The following SLC14A2 variants were observed in gnomAD, a reference collection of about 807,000 sequenced individuals.
The protein encoded by SLC14A2 is solute carrier family 14 member 2, also known as urea transporter 2.
SLC14A2 carries 91 observed loss-of-function variants against 104.6 expected under a neutral mutation model. The ratio of observed to expected loss-of-function variants is 0.87; its 90% CI spans 0.73 to 1.04. The LOEUF is 1.04. Ranked by LOEUF, SLC14A2 falls within the 50% of genes least tolerant of loss-of-function variation. The pLI is 0.00. For missense variants in SLC14A2, 1,189 were observed against 1,156.0 expected (o/e 1.03, Z -0.41); for synonymous variants, 476 against 466.4 (o/e 1.02, Z -0.27).
At chr18:45,682,230 T>G in intron 19 of SLC14A2, 89 bp from the exon 20 acceptor site, 2 of 1,129,684 alleles carry the variant, frequency 1.8e-6, no homozygotes, top group Non-Finnish European at 2.7e-6. Context: ...GTCCCTCATG[T>G]CCCCAGGGCT....
intron 1 of SLC14A2, among the ~76,000 whole-genome samples, chr18:45,217,575 C>G (rs547164752): frequency 6.6e-6 from 1 of 152,198 alleles, no homozygotes; most frequent in African/African-American, 2.4e-5. Flanking sequence ...CTTCCTCCCC[C>G]ACATCCCTAG....
At chr18:45,317,768 G>C (rs1404751429) in intron 1 of SLC14A2, among the ~76,000 whole-genome samples, 1 of 152,162 alleles carries the variant, frequency 6.6e-6, no homozygotes, top group East Asian at 1.9e-4. Context: ...AATGCCCTGG[G>C]CTTGACAGAT....
chr18:45,294,031 C>T (rs1407866208), intron 1 of SLC14A2, among the ~76,000 whole-genome samples: 1 of 152,110 alleles, frequency 6.6e-6, no homozygotes, highest in Admixed American at 6.6e-5. Flanking sequence ...TTCACGGTAT[C>T]CATCACTTTT....
chr18:45,430,551 TTTATTTTATTTTATTTTA>T (rs2086498467), intron 1 of SLC14A2, among the ~76,000 whole-genome samples: 1 of 90,720 alleles, frequency 1.1e-5, no homozygotes, highest in Non-Finnish European at 2.7e-5. Context: ...GTTATTTTAT[TTTATTTTATTTTATTTTA>T]TTATTTTATT....
intron 2 of SLC14A2, among the ~76,000 whole-genome samples, chr18:45,589,347 A>T (rs1343766205): frequency 1.3e-5 from 2 of 152,186 alleles, no homozygotes; most frequent in African/African-American, 4.8e-5. Context: ...GGTACCCCAA[A>T]TGAATATACG....
intron 2 of SLC14A2, among the ~76,000 whole-genome samples, chr18:45,533,251 T>C (rs1367720570): frequency 2.6e-5 from 4 of 152,234 alleles, no homozygotes; most frequent in African/African-American, 9.6e-5. Flanking sequence ...TTCTATTGAT[T>C]GGAGTAGTTT....
chr18:45,260,646 C>A (rs2084526118), intron 1 of SLC14A2, among the ~76,000 whole-genome samples: 1 of 152,098 alleles, frequency 6.6e-6, no homozygotes, highest in Non-Finnish European at 1.5e-5. Context: ...ATAATGAAAT[C>A]ATGTCCTTTG....
intron 1 of SLC14A2, among the ~76,000 whole-genome samples, chr18:45,219,765 T>G (rs62092120): frequency 0.12 from 18,540 of 152,154 alleles, 1,176 homozygotes; most frequent in African/African-American, 0.14. Context: ...CAAGCACCAG[T>G]GTTATTGAGG....
chr18:45,265,495 A>C (rs571854591), intron 1 of SLC14A2, among the ~76,000 whole-genome samples: 1 of 152,268 alleles, frequency 6.6e-6, no homozygotes, highest in African/African-American at 2.4e-5. Flanking sequence ...ATCCCTTCAT[A>C]ACCAGATATT....
intron 1 of SLC14A2, among the ~76,000 whole-genome samples, chr18:45,228,427 C>T (rs1236096863): frequency 1.3e-5 from 2 of 152,092 alleles, no homozygotes; most frequent in East Asian, 1.9e-4. Context: ...GGTGAGCCCA[C>T]TGCCACCATG....
intron 1 of SLC14A2, among the ~76,000 whole-genome samples, chr18:45,332,483 G>T (rs1252440838): frequency 1.3e-5 from 2 of 152,060 alleles, no homozygotes; most frequent in Admixed American, 1.3e-4. Flanking sequence ...GTATCCGTGG[G>T]AGGTCTTGCC....
intron 1 of SLC14A2, among the ~76,000 whole-genome samples, chr18:45,257,582 A>C (rs896820538): frequency 2.6e-5 from 4 of 152,222 alleles, no homozygotes; most frequent in Admixed American, 2.6e-4. Context: ...TAGAAATTAC[A>C]ATATGGTTAA....
rs551005738 is a variant in SLC14A2, at chr18:45,541,441, A to G, written c.-35+58119A>G. On this transcript the variant is annotated intron_variant, in intron 2 of 20. Coordinates refer to the SLC14A2 transcript ENST00000586448. ...CTAGTCCATTCATCTGTCTCCAAAG[A>G]ACAGGCTTACAGACGTCAGCTTTGC... Among the ~76,000 whole-genome samples the G allele has an allele frequency of 2.0e-5, 3 of 152,368 alleles. No individual in the cohort carries two copies. The East Asian group carries it at 5.8e-4, about 29-fold the overall frequency.
At position 45,426,730 on chromosome 18, in the gene SLC14A2, C is replaced by CACACAT. The variant is rs1352896029; in HGVS notation, c.-124-56500_-124-56499insCATACA. Among the ~76,000 whole-genome samples the CACACAT allele has an allele frequency of 1.2e-3, 182 of 150,134 alleles. 1 individual carries two copies. Among genetic ancestry groups the CACACAT allele is most frequent in the African/African-American group, 4.3e-3 (174 of 40,742 alleles). On this transcript the variant is annotated intron_variant, in intron 1 of 20. Coordinates refer to the SLC14A2 transcript ENST00000586448. Reference sequence around the variant, plus strand: ...ACACACACACACACACACACACACACACATACATACACGCTTAATGGAAAA... The same window carrying CACACAT: ...ACACACACACACACACACACACACACACACATACATACATACACGCTTAATGGAAAA...
At chr18:45,652,051 CA>C (rs2045748446) in intron 10 of SLC14A2, among the ~76,000 whole-genome samples, 2 of 152,196 alleles carry the variant, frequency 1.3e-5, no homozygotes, top group African/African-American at 4.8e-5. Context: ...GACCAGTGTG[CA>C]AACATCGTGG....
At chr18:45,228,871 C>T (rs1484505105) in intron 1 of SLC14A2, among the ~76,000 whole-genome samples, 2 of 152,276 alleles carry the variant, frequency 1.3e-5, no homozygotes, top group East Asian at 3.9e-4. Flanking sequence ...GGCTGTCTCA[C>T]CTGAACCTCA....
At chr18:45,619,510 T>G (rs537702185) in intron 1 of SLC14A2, among the ~76,000 whole-genome samples, 5 of 152,344 alleles carry the variant, frequency 3.3e-5, no homozygotes, top group African/African-American at 1.2e-4. Context: ...GCCAGACATT[T>G]GAGGCCTGGT....
At chr18:45,560,004 C>T (rs1286286241) in intron 2 of SLC14A2, among the ~76,000 whole-genome samples, 3 of 152,192 alleles carry the variant, frequency 2.0e-5, no homozygotes, top group African/African-American at 7.2e-5. Context: ...GCCCAAGTCC[C>T]TATTAAATGT....
chr18:45,463,119 C>T (rs1426848495), intron 1 of SLC14A2, among the ~76,000 whole-genome samples: 1 of 152,170 alleles, frequency 6.6e-6, no homozygotes, highest in Non-Finnish European at 1.5e-5. Context: ...TCCATCTTCT[C>T]CTACTCACAT....
Sources: allele counts gnomAD v4.1 joint callset (sites outside exome capture counted in the v4.1 genomes callset), GRCh38; gene constraint gnomAD v4.1.1; transcripts MANE v1.5; gene names NCBI Gene and HGNC (gene_info 2026-07-23, HGNC 2026-07-21).